The following TSHZ2 variants were observed in gnomAD, a reference collection of about 807,000 sequenced individuals.
TSHZ2 encodes teashirt zinc finger homeobox 2, also known as teashirt homolog 2.
Under a neutral mutation model 74.4 loss-of-function variants are expected in TSHZ2, and 21 were observed. The ratio of observed to expected loss-of-function variants is 0.28; its 90% CI spans 0.20 to 0.41. The LOEUF (loss-of-function observed/expected upper bound fraction) is 0.41. TSHZ2 is among the 10% of genes least tolerant of loss of function. The probability of loss-of-function intolerance (pLI) is 1.00; values close to 1 mark genes in which losing one functional copy is unlikely to be tolerated. For synonymous variants in TSHZ2, 540 were observed against 515.3 expected (o/e 1.05, Z -0.65); for missense variants, 1,244 against 1,293.5 (o/e 0.96, Z 0.59).
At chr20:53,308,517 G>C (rs1978643840) in intron 2 of TSHZ2, among the ~76,000 whole-genome samples, 1 of 152,078 alleles carries the variant, frequency 6.6e-6, no homozygotes, top group Non-Finnish European at 1.5e-5. Context: ...CCAGCAAAAG[G>C]CCACCGACAC....
chr20:53,474,272 C>T (rs1985923301), intron 2 of TSHZ2, among the ~76,000 whole-genome samples: 1 of 137,908 alleles, frequency 7.3e-6, no homozygotes, highest in African/African-American at 2.8e-5. Context: ...GTCGGGTTAC[C>T]CTCAAAGGGA....
intron 2 of TSHZ2, among the ~76,000 whole-genome samples, chr20:53,345,819 G>A (rs534025590): frequency 4.0e-5 from 6 of 151,014 alleles, no homozygotes; most frequent in Non-Finnish European, 7.4e-5. Flanking sequence ...CCCCTAAGGC[G>A]GTGGCGTGAT....
At chr20:53,096,394 A>G (rs1986048065) in intron 1 of TSHZ2, among the ~76,000 whole-genome samples, 1 of 152,026 alleles carries the variant, frequency 6.6e-6, no homozygotes, top group Admixed American at 6.6e-5. Context: ...CCACTCGCCT[A>G]AGCCTCCCAA....
chr20:53,057,092 T>C (rs1984665267), intron 1 of TSHZ2, among the ~76,000 whole-genome samples: 1 of 152,206 alleles, frequency 6.6e-6, no homozygotes, highest in Non-Finnish European at 1.5e-5. Flanking sequence ...GCAGTTCCCC[T>C]GCACCGCTCT....
chr20:53,273,718 G>A (rs1475376851), intron 2 of TSHZ2, among the ~76,000 whole-genome samples: 1 of 152,212 alleles, frequency 6.6e-6, no homozygotes. Context: ...TGGAGCCTCA[G>A]TGGAGGCGGT....
chr20:53,038,161 C>T (rs1345734024), intron 1 of TSHZ2, among the ~76,000 whole-genome samples: 2 of 133,602 alleles, frequency 1.5e-5, no homozygotes, highest in Non-Finnish European at 3.1e-5. Context: ...CACTGCACTC[C>T]AGCCTGGGCG....
chr20:53,367,008 G>C (rs555357648), intron 2 of TSHZ2, among the ~76,000 whole-genome samples: 70 of 152,214 alleles, frequency 4.6e-4, no homozygotes, highest in Non-Finnish European at 8.2e-4. Flanking sequence ...ATCCAAGCCT[G>C]GTTCAAACTC....
intron 2 of TSHZ2, among the ~76,000 whole-genome samples, chr20:53,371,468 G>A (rs570752947): frequency 6.6e-6 from 1 of 152,360 alleles, no homozygotes; most frequent in Non-Finnish European, 1.5e-5. Context: ...AACAGTGTTA[G>A]GCGGTGTATT....
At chr20:53,475,413 G>A (rs887419474) in intron 2 of TSHZ2, among the ~76,000 whole-genome samples, 11 of 115,750 alleles carry the variant, frequency 9.5e-5, no homozygotes, top group Admixed American at 8.8e-5. Flanking sequence ...TGACTACTGG[G>A]TACATAACGA....
At chr20:53,438,132 C>CA (rs1442923430) in intron 2 of TSHZ2, among the ~76,000 whole-genome samples, 5 of 139,632 alleles carry the variant, frequency 3.6e-5, no homozygotes, top group African/African-American at 1.3e-4. Flanking sequence ...TTTTTGGAGA[C>CA]AGAGTCTCAC....
intron 2 of TSHZ2, among the ~76,000 whole-genome samples, chr20:53,407,029 C>G (rs1214087446): frequency 3.9e-5 from 6 of 152,186 alleles, no homozygotes; most frequent in Non-Finnish European, 8.8e-5. Flanking sequence ...ATGGGGATGT[C>G]AGAAAATGTT....
At chr20:53,272,388 G>T (rs1226542719) in intron 2 of TSHZ2, among the ~76,000 whole-genome samples, 1 of 152,170 alleles carries the variant, frequency 6.6e-6, no homozygotes, top group Non-Finnish European at 1.5e-5. Context: ...TGGGAGGGCA[G>T]GGGCTGCATC....
At chr20:53,347,428 A>G (rs1163159689) in intron 2 of TSHZ2, among the ~76,000 whole-genome samples, 3 of 151,900 alleles carry the variant, frequency 2.0e-5, no homozygotes, top group African/African-American at 4.8e-5. Context: ...AACACCCCCT[A>G]CTTCCTCTGC....
chr20:53,431,856 G>T (rs986372848), intron 2 of TSHZ2, among the ~76,000 whole-genome samples: 2 of 152,084 alleles, frequency 1.3e-5, no homozygotes, highest in Admixed American at 6.6e-5. Flanking sequence ...ATAAAAACAC[G>T]TAAATAACAG....
At chr20:53,206,804 C>T (rs1282890311) in intron 1 of TSHZ2, among the ~76,000 whole-genome samples, 1 of 152,208 alleles carries the variant, frequency 6.6e-6, no homozygotes, top group Non-Finnish European at 1.5e-5. Flanking sequence ...GTGGGCATTT[C>T]TCCAGCCCTG....
chr20:53,316,902 G>A (rs550792244), intron 2 of TSHZ2, among the ~76,000 whole-genome samples: 1 of 151,954 alleles, frequency 6.6e-6, no homozygotes, highest in African/African-American at 2.4e-5. Flanking sequence ...CACAATAAAT[G>A]GTTTCTTTTA....
chr20:52,993,494 G>A (rs566747133), intron 1 of TSHZ2, among the ~76,000 whole-genome samples: 25 of 152,220 alleles, frequency 1.6e-4, no homozygotes, highest in African/African-American at 2.2e-4. Context: ...TCCCCTGGGC[G>A]CCCCTCCACA....
intron 1 of TSHZ2, among the ~76,000 whole-genome samples, chr20:53,141,156 A>G (rs1987391447): frequency 1.3e-5 from 2 of 152,156 alleles, no homozygotes. Context: ...CCACGTGGGT[A>G]CCACTGCTGT....
At chr20:53,271,855 C>A (rs1035918907) in intron 2 of TSHZ2, among the ~76,000 whole-genome samples, 1 of 152,160 alleles carries the variant, frequency 6.6e-6, no homozygotes, top group African/African-American at 2.4e-5. Flanking sequence ...AGACAGGTGG[C>A]TGGTGGATGT....
Sources: allele counts gnomAD v4.1 joint callset (sites outside exome capture counted in the v4.1 genomes callset), GRCh38; gene constraint gnomAD v4.1.1; transcripts MANE v1.5; gene names NCBI Gene and HGNC (gene_info 2026-07-23, HGNC 2026-07-21).